The following CAMTA1 variants were observed in gnomAD, a reference collection of about 807,000 sequenced individuals.
The protein encoded by CAMTA1 is calmodulin binding transcription activator 1.
In CAMTA1, 27 loss-of-function variants were observed where a neutral mutation model predicts 170.9. The ratio of observed to expected loss-of-function variants is 0.16; its 90% CI spans 0.12 to 0.22. CAMTA1 has a LOEUF of 0.22. Among genes scored for constraint, CAMTA1 ranks in the 10% least tolerant of loss-of-function variants. The pLI is 1.00. For synonymous variants in CAMTA1, 833 were observed against 891.5 expected, an observed-to-expected ratio of 0.93 and a Z score of 1.17; for missense variants, 1,619 against 2,217.2, an observed-to-expected ratio of 0.73 and a Z score of 5.42.
At chr1:7,020,708 C>A (rs1163318971) in intron 3 of CAMTA1, among the ~76,000 whole-genome samples, 1 of 152,208 alleles carries the variant, frequency 6.6e-6, no homozygotes, top group Non-Finnish European at 1.5e-5. Flanking sequence ...GTGGGCTTAG[C>A]CTTGAGCTGC....
chr1:7,599,327 G>A (rs2095423357), intron 6 of CAMTA1, among the ~76,000 whole-genome samples: 1 of 152,218 alleles, frequency 6.6e-6, no homozygotes, highest in African/African-American at 2.4e-5. Context: ...GTACCATGCT[G>A]TTTTGGTTAC....
chr1:7,422,455 G>A (rs1458101021), intron 5 of CAMTA1, among the ~76,000 whole-genome samples: 1 of 152,126 alleles, frequency 6.6e-6, no homozygotes, highest in African/African-American at 2.4e-5. Context: ...CATGTGGGCA[G>A]GAAGAGGGTT....
chr1:7,228,340 C>G (rs558167391), intron 4 of CAMTA1, among the ~76,000 whole-genome samples: 22 of 152,286 alleles, frequency 1.4e-4, no homozygotes, highest in African/African-American at 5.3e-4. Context: ...TGGTGGCTCA[C>G]GCCTGTAATC....
intron 2 of CAMTA1, among the ~76,000 whole-genome samples, chr1:6,822,811 C>T (rs1646653292): frequency 6.6e-6 from 1 of 151,450 alleles, no homozygotes; most frequent in Admixed American, 6.6e-5. Context: ...CACACACACA[C>T]ACACACACAC....
At position 7,047,927 on chromosome 1, in the gene CAMTA1, C is replaced by T. The variant is rs75459444; in HGVS notation, c.235-43377C>T. ...GTATAAACCCTGAAGCTTCTATCAC[C>T]AGGTGACTTTTTCTAGTATTCATTG... is the stretch of plus-strand genomic sequence containing the variant. On this transcript the variant is annotated intron_variant, in intron 3 of 22. Transcript: ENST00000303635. Among the ~76,000 whole-genome samples, 588 of 152,194 alleles carry T rather than the reference C, an allele frequency of 3.9e-3. 3 individuals are homozygous for T. The highest frequency in any genetic ancestry group is 0.013 in the African/African-American group (558 of 41,508).
intron 5 of CAMTA1, among the ~76,000 whole-genome samples, chr1:7,260,999 T>A (rs1048386653): frequency 3.3e-5 from 5 of 152,256 alleles, no homozygotes; most frequent in Non-Finnish European, 5.9e-5. Context: ...TAATGATTCA[T>A]GCATCTGTGG....
At chr1:6,858,847 C>T (rs1379361850) in intron 3 of CAMTA1, among the ~76,000 whole-genome samples, 1 of 152,054 alleles carries the variant, frequency 6.6e-6, no homozygotes, top group Non-Finnish European at 1.5e-5. Flanking sequence ...ATTCCTTTGT[C>T]TAAAAAAATA....
At chr1:7,194,810 T>C (rs1030250018) in intron 4 of CAMTA1, among the ~76,000 whole-genome samples, 1 of 152,210 alleles carries the variant, frequency 6.6e-6, no homozygotes, top group African/African-American at 2.4e-5. Flanking sequence ...AAGAGAAATA[T>C]TGGGCTCTTC....
chr1:7,433,519 C>T (rs2092249192), intron 5 of CAMTA1, among the ~76,000 whole-genome samples: 1 of 152,108 alleles, frequency 6.6e-6, no homozygotes, highest in Non-Finnish European at 1.5e-5. Context: ...CAGGGAGGGG[C>T]CAGGTCCAAT....
Position 7,752,539 on chromosome 1 carries a change from C to T in CAMTA1, c.4958+6C>T, listed in dbSNP as rs764073129. On this transcript the variant is annotated splice_donor_region_variant and intron_variant, in intron 21 of 22. Coordinates refer to ENST00000303635, the MANE Select transcript of CAMTA1 (RefSeq NM_015215.4). ...CTTCGCCGCTGTCGCCACAGGTACA[C>T]TAGTCCTTGTTTATACATTCTGCTC... 1 of 1,596,116 alleles carries T rather than the reference C, an allele frequency of 6.3e-7. No individual in the cohort carries two copies.
At chr1:6,796,768 G>C (rs956436808) in intron 1 of CAMTA1, among the ~76,000 whole-genome samples, 2 of 152,066 alleles carry the variant, frequency 1.3e-5, no homozygotes, top group Non-Finnish European at 2.9e-5. Flanking sequence ...TCAGTACTAC[G>C]TTAGAACAGT....
chr1:7,172,316 A>G (rs1649803395), intron 4 of CAMTA1, among the ~76,000 whole-genome samples: 4 of 151,962 alleles, frequency 2.6e-5, no homozygotes, highest in Admixed American at 6.6e-5. Flanking sequence ...CGCCCAGCTA[A>G]TTTTTGTATT....
At chr1:7,223,555 C>G (rs895269206) in intron 4 of CAMTA1, among the ~76,000 whole-genome samples, 3 of 152,106 alleles carry the variant, frequency 2.0e-5, no homozygotes, top group Admixed American at 1.3e-4. Flanking sequence ...AGGGGTTGTG[C>G]TTTCTAGGGC....
At chr1:7,707,632 C>T (rs552591835) in intron 11 of CAMTA1, among the ~76,000 whole-genome samples, 195 of 152,218 alleles carry the variant, frequency 1.3e-3, no homozygotes, top group Non-Finnish European at 1.8e-3. Context: ...CCGCCTTTGC[C>T]TCCCAAAGTG....
intron 4 of CAMTA1, among the ~76,000 whole-genome samples, chr1:7,187,553 C>A (rs1653627832): frequency 6.6e-6 from 1 of 152,056 alleles, no homozygotes; most frequent in Non-Finnish European, 1.5e-5. Context: ...TCTAGACTTC[C>A]TGAATGAAGT....
chr1:7,474,545 T>A (rs1021730222), intron 6 of CAMTA1, among the ~76,000 whole-genome samples: 4 of 152,214 alleles, frequency 2.6e-5, no homozygotes, highest in Non-Finnish European at 5.9e-5. Flanking sequence ...ACATCCTGAA[T>A]CCCGGAGAAA....
At chr1:7,568,413 CCATCATCAT>C (rs2095073339) in intron 6 of CAMTA1, among the ~76,000 whole-genome samples, 1 of 149,492 alleles carries the variant, frequency 6.7e-6, no homozygotes. Context: ...ATCAACATCA[CCATCATCAT>C]CACCACATCA....
At chr1:7,015,420 G>C (rs1266439827) in intron 3 of CAMTA1, among the ~76,000 whole-genome samples, 1 of 152,172 alleles carries the variant, frequency 6.6e-6, no homozygotes, top group African/African-American at 2.4e-5. Context: ...TGTCTTCAGG[G>C]TCTGGTCAGA....
chr1:7,652,771 A>G (rs1342099434), intron 7 of CAMTA1, among the ~76,000 whole-genome samples: 1 of 151,566 alleles, frequency 6.6e-6, no homozygotes, highest in Non-Finnish European at 1.5e-5. Context: ...TCTGCCCACC[A>G]CCGAGCTGCT....
Sources: allele counts gnomAD v4.1 joint callset (sites outside exome capture counted in the v4.1 genomes callset), GRCh38; gene constraint gnomAD v4.1.1; transcripts MANE v1.5; gene names NCBI Gene and HGNC (gene_info 2026-07-23, HGNC 2026-07-21).